Variants in DPP6 observed in about 807,000 individuals in gnomAD.
The protein encoded by DPP6 is dipeptidyl peptidase like 6, also known as A-type potassium channel modulatory protein DPP6.
In DPP6, 69 loss-of-function variants were observed where a neutral mutation model predicts 122.6. The observed-to-expected ratio is 0.56, with a 90% CI of 0.46 to 0.69. The LOEUF is 0.69. Among genes scored for constraint, DPP6 ranks in the 30% least tolerant of loss-of-function variants. The pLI is 0.00. For synonymous variants in DPP6, 418 were observed against 433.1 expected (o/e 0.97, Z 0.43); for missense variants, 928 against 1,116.9 (o/e 0.83, Z 2.41).
chr7:154,115,493 T>G (rs1806919637), intron 1 of DPP6, among the ~76,000 whole-genome samples: 1 of 152,156 alleles, frequency 6.6e-6, no homozygotes, highest in Non-Finnish European at 1.5e-5. Flanking sequence ...GGTGATAGTG[T>G]TATAGGGCCC....
the DPP6 span, among the ~76,000 whole-genome samples, chr7:153,846,890 G>A: frequency 6.6e-6 from 1 of 151,654 alleles, no homozygotes; most frequent in Non-Finnish European, 1.5e-5. Flanking sequence ...GTAGAGATGG[G>A]GTTTCACCCT....
At chr7:154,842,848 G>A (rs932543638) in intron 16 of DPP6, among the ~76,000 whole-genome samples, 1 of 152,194 alleles carries the variant, frequency 6.6e-6, no homozygotes, top group African/African-American at 2.4e-5. Context: ...ATCAGCAGGC[G>A]TGCCATTGTA....
intron 6 of DPP6, among the ~76,000 whole-genome samples, chr7:154,661,882 A>G (rs1358890874): frequency 6.6e-6 from 1 of 150,994 alleles, no homozygotes; most frequent in East Asian, 2.0e-4. Context: ...ATGGTGAATC[A>G]CCATGGCATA....
chr7:154,224,191 G>A lies in DPP6; in HGVS notation c.243+171128G>A, dbSNP rs201785546. Among the ~76,000 whole-genome samples the A allele has an allele frequency of 4.0e-5, 6 of 148,798 alleles. No homozygotes were observed. The East Asian group carries it at 9.9e-4, about 24-fold the overall frequency. ...GGTTGAGTGGAGAGAAATGGACAAC[G>A]TTAAGAGATACTATGATGTAAAATC... On this transcript the variant is annotated intron_variant, in intron 1 of 25. Transcript: ENST00000377770.
intron 1 of DPP6, among the ~76,000 whole-genome samples, chr7:154,252,199 G>A (rs1802389763): frequency 6.8e-6 from 1 of 147,082 alleles, no homozygotes; most frequent in Admixed American, 6.8e-5. Context: ...GAAAATCATG[G>A]CCTCACAATG....
At chr7:153,789,651 G>T in the DPP6 span, among the ~76,000 whole-genome samples, 1 of 152,148 alleles carries the variant, frequency 6.6e-6, no homozygotes, top group African/African-American at 2.4e-5. Context: ...AGAGAAAGAA[G>T]AAAATCACCT....
At chr7:154,808,366 G>A (rs1226047760) in intron 16 of DPP6, among the ~76,000 whole-genome samples, 1 of 152,164 alleles carries the variant, frequency 6.6e-6, no homozygotes, top group Non-Finnish European at 1.5e-5. Flanking sequence ...TTCTAAGACA[G>A]CAAGGAGACC....
chr7:154,027,646 C>A (rs2129053644), intron 1 of DPP6, among the ~76,000 whole-genome samples: 1 of 152,096 alleles, frequency 6.6e-6, no homozygotes, highest in Middle Eastern at 3.4e-3. Context: ...GTCGATGCCA[C>A]TCCCCATGCT....
chr7:154,431,138 T>G (rs1269972794), intron 1 of DPP6, among the ~76,000 whole-genome samples: 1 of 152,154 alleles, frequency 6.6e-6, no homozygotes, highest in Non-Finnish European at 1.5e-5. Flanking sequence ...CAAAGGCCTG[T>G]GTTCAGAACA....
rs1314466939 is a variant in DPP6 at position 154,813,879 on chromosome 7, T to TTC, written c.1666+6768_1666+6769insCT. Among the ~76,000 whole-genome samples, 6 of 110,292 alleles carry TTC rather than the reference T, an allele frequency of 5.4e-5. No homozygotes were observed. In the South Asian group the frequency reaches 1.3e-3, roughly 23 times the overall value. The allele number at this position is 110,292 out of a possible 152,430, so 72.4% of individuals were successfully genotyped here. On this transcript the variant is annotated intron_variant, in intron 16 of 25. Coordinates refer to ENST00000377770, the MANE Select transcript of DPP6 (RefSeq NM_130797.4). ...TTTACAATTTGAAAAGCACATTTCTTTTTTTTTTTTTTTTTTTTGAGATGG... is the reference window on the plus strand; with the variant it reads ...TTTACAATTTGAAAAGCACATTTCTTTCTTTTTTTTTTTTTTTTTTGAGATGG...
intron 1 of DPP6, among the ~76,000 whole-genome samples, chr7:154,124,468 C>G (rs1337756138): frequency 1.3e-5 from 2 of 152,152 alleles, no homozygotes; most frequent in Non-Finnish European, 2.9e-5. Flanking sequence ...CAGGAAGCAG[C>G]CTGCACCGGC....
At chr7:154,426,972 A>G (rs914623653) in intron 1 of DPP6, among the ~76,000 whole-genome samples, 6 of 152,168 alleles carry the variant, frequency 3.9e-5, no homozygotes, top group Non-Finnish European at 5.9e-5. Flanking sequence ...AGGATTACCA[A>G]TTCCTTTAAC....
chr7:154,017,740 AAG>A (rs1441069574), intron 1 of DPP6, among the ~76,000 whole-genome samples: 3 of 150,332 alleles, frequency 2.0e-5, no homozygotes, highest in East Asian at 2.0e-4. Flanking sequence ...AAAAAAAAAA[AAG>A]AAAAATATAA....
intron 1 of DPP6, among the ~76,000 whole-genome samples, chr7:154,409,592 C>T (rs1375235335): frequency 6.6e-6 from 1 of 152,158 alleles, no homozygotes; most frequent in East Asian, 1.9e-4. Context: ...CGTGGTCTCC[C>T]TCTCATGTTG....
intron 1 of DPP6, among the ~76,000 whole-genome samples, chr7:154,343,948 TC>T (rs1810163097): frequency 6.6e-6 from 1 of 152,210 alleles, no homozygotes; most frequent in African/African-American, 2.4e-5. Context: ...AATCCTGACC[TC>T]AAGTGATCCG....
chr7:153,983,425 T>C (rs1245050687), intron 1 of DPP6, among the ~76,000 whole-genome samples: 1 of 152,224 alleles, frequency 6.6e-6, no homozygotes, highest in African/African-American at 2.4e-5. Context: ...CCAGGTCAAC[T>C]TCAGACGGCT....
chr7:154,292,184 T>C (rs1805251102), intron 1 of DPP6, among the ~76,000 whole-genome samples: 1 of 152,020 alleles, frequency 6.6e-6, no homozygotes. Flanking sequence ...ATCAATAGTT[T>C]TATGAATGGC....
intron 1 of DPP6, among the ~76,000 whole-genome samples, chr7:154,263,679 T>TTTATTATTA: frequency 6.6e-6 from 1 of 151,558 alleles, no homozygotes. Context: ...TTATGTTCTT[T>TTTATTATTA]TTATTATTAT....
At position 154,618,025 on chromosome 7, in the gene DPP6, T is replaced by C. The variant is rs1834381419; in HGVS notation, c.628-19796T>C. Among the ~76,000 whole-genome samples, 1 of 152,140 alleles carries C rather than the reference T, an allele frequency of 6.6e-6. No individual in the cohort carries two copies. Among genetic ancestry groups the C allele is most frequent in the African/African-American group, 2.4e-5 (1 of 41,426 alleles). On this transcript the variant is annotated intron_variant, in intron 5 of 25. Coordinates refer to ENST00000377770, the MANE Select transcript of DPP6 (RefSeq NM_130797.4). The surrounding 1 kb of genome is among the most constrained non-coding windows in gnomAD (Gnocchi z 4.1). ...GGGACTCAAACGATGTGCAAAGGCCTCAGTTTCTCTCTTGGTCTCTCCCAC... is the reference window on the plus strand; with the variant it reads ...GGGACTCAAACGATGTGCAAAGGCCCCAGTTTCTCTCTTGGTCTCTCCCAC...
Sources: allele counts gnomAD v4.1 joint callset (sites outside exome capture counted in the v4.1 genomes callset), GRCh38; gene constraint gnomAD v4.1.1; non-coding constraint Gnocchi (gnomAD v3.1); transcripts MANE v1.5; gene names NCBI Gene and HGNC (gene_info 2026-07-23, HGNC 2026-07-21).